The following VSX2 variants were observed in gnomAD, a reference collection of about 807,000 sequenced individuals.
The protein encoded by VSX2 is visual system homeobox 2.
A neutral mutation model predicts 32.1 loss-of-function variants in VSX2; 28 were observed. That is an observed-to-expected ratio of 0.87 (90% CI 0.65 to 1.20). The LOEUF is 1.20. VSX2 is among the 50% of genes most tolerant of loss of function. VSX2 has a pLI of 0.00. For missense variants in VSX2, 506 were observed against 488.7 expected (o/e 1.04, Z -0.33); for synonymous variants, 243 against 214.1 (o/e 1.14, Z -1.18).
At chr14:74,259,488 C>T in intron 3 of VSX2, 114 bp from the exon 4 acceptor site, 1 of 1,316,586 alleles carries the variant, frequency 7.6e-7, no homozygotes, top group Non-Finnish European at 1.1e-6. Context: ...AGTAGGCGAG[C>T]TTAGGTTAAG....
chr14:74,247,214 G>A (rs905180083), intron 3 of VSX2, among the ~76,000 whole-genome samples: 6 of 152,196 alleles, frequency 3.9e-5, no homozygotes, highest in Admixed American at 3.3e-4. Flanking sequence ...AAAGATCTTG[G>A]TGTGCATCAA....
chr14:74,259,991 A>G (rs74061766), intron 4 of VSX2, among the ~76,000 whole-genome samples: 38 of 152,272 alleles, frequency 2.5e-4, no homozygotes, highest in African/African-American at 7.5e-4. Flanking sequence ...ACTGGGTGCC[A>G]AGAACTCTCA....
At position 74,242,007 on chromosome 14, in the gene VSX2, C is replaced by T. The variant is rs77390965; in HGVS notation, c.455+741C>T. 5.6e-3 allele frequency among the ~76,000 whole-genome samples: 851 copies of T among 152,272 alleles called. 24 individuals carry two copies. The highest frequency in any genetic ancestry group is 0.043 in the Admixed American group (664 of 15,284). ...GGAAATTACTTGCACAAAGTTAAAA[C>T]TCAGTAGATGCCGACAGGTATATCT... is the stretch of plus-strand genomic sequence containing the variant. On this transcript the variant is annotated intron_variant, in intron 2 of 4. Coordinates refer to ENST00000261980, the MANE Select transcript of VSX2 (RefSeq NM_182894.3).
intron 2 of VSX2, among the ~76,000 whole-genome samples, chr14:74,242,593 A>AT (rs529681821): frequency 7.0e-6 from 1 of 143,636 alleles, no homozygotes; most frequent in African/African-American, 2.5e-5. Flanking sequence ...AAAAAGAAAA[A>AT]TTTTTTTGGT....
At chr14:74,254,073 T>C (rs1192197813) in intron 3 of VSX2, among the ~76,000 whole-genome samples, 1 of 152,060 alleles carries the variant, frequency 6.6e-6, no homozygotes, top group African/African-American at 2.4e-5. Context: ...ACTGTGTAGG[T>C]GTTCCCCTGT....
chr14:74,242,938 G>T (rs1014026667), intron 2 of VSX2, among the ~76,000 whole-genome samples: 1 of 152,234 alleles, frequency 6.6e-6, no homozygotes, highest in East Asian at 1.9e-4. Context: ...CACTCTCTTC[G>T]CCAGGAACAC....
intron 3 of VSX2, among the ~76,000 whole-genome samples, chr14:74,251,884 G>A (rs1173863758): frequency 6.6e-6 from 1 of 152,194 alleles, no homozygotes; most frequent in Non-Finnish European, 1.5e-5. Context: ...AGCCAGAGGG[G>A]AAGAAAGAGA....
chr14:74,252,393 TC>T (rs1269120895), intron 3 of VSX2, among the ~76,000 whole-genome samples: 4 of 142,664 alleles, frequency 2.8e-5, no homozygotes, highest in Non-Finnish European at 4.6e-5. Flanking sequence ...TTCTTTTCTT[TC>T]TTTTTTTTTT....
chr14:74,257,360 C>G (rs1023168370), intron 3 of VSX2, among the ~76,000 whole-genome samples: 1 of 152,238 alleles, frequency 6.6e-6, no homozygotes, highest in African/African-American at 2.4e-5. Context: ...CCCAGCCCCC[C>G]AGTTTTGCGC....
intron 3 of VSX2, 136 bp downstream of exon 3, chr14:74,245,424 C>T: frequency 1.6e-6 from 2 of 1,260,494 alleles, no homozygotes; most frequent in Non-Finnish European, 2.2e-6. Flanking sequence ...ATGTTCTCAG[C>T]CTATTTAAGC....
intron 4 of VSX2, 39 bp from the exon 5 acceptor site, chr14:74,260,555 G>C: frequency 6.4e-7 from 1 of 1,559,412 alleles, no homozygotes; most frequent in East Asian, 2.3e-5. Flanking sequence ...GGCTTTCCCA[G>C]GCGCTTTTCT....
Position 74,245,281 on chromosome 14 carries a change from G to T in VSX2, c.572G>T (p.Arg191Met). 1 of 1,613,566 alleles carries T rather than the reference G, an allele frequency of 6.2e-7. No individual in the cohort carries two copies. The highest frequency in any genetic ancestry group is 8.5e-7 in the Non-Finnish European group (1 of 1,179,862). The change falls in exon 3 of 5, where the codon AGG becomes ATG. Residue 191 changes from arginine to methionine, a missense_variant. Arg to Met is a moderately conservative substitution (Grantham distance 91). Transcript: ENST00000261980. ...ATGAAAACGGAGCTGCCGGAAGACA[G>T]GATACAGGTAACAGCCCTGAGCCCC... is the stretch of plus-strand genomic sequence containing the variant. ...LAMKTELPED[R>M]IQVWFQNRRA...
chr14:74,256,663 G>A (rs955896965), intron 3 of VSX2, among the ~76,000 whole-genome samples: 3 of 142,588 alleles, frequency 2.1e-5, no homozygotes, highest in African/African-American at 8.0e-5. Flanking sequence ...AAAACCGGGA[G>A]TCATACTTTT....
At chr14:74,250,230 C>T (rs1198370494) in intron 3 of VSX2, among the ~76,000 whole-genome samples, 1 of 101,010 alleles carries the variant, frequency 9.9e-6, no homozygotes, top group Non-Finnish European at 2.0e-5. Context: ...CAGCAGAATC[C>T]TGTTTCAAAA....
rs1348696663 is a variant in VSX2, at chr14:74,245,191, AG to A, written c.484del (p.Glu162SerfsTer22). On this transcript the variant is annotated frameshift_variant, in exon 3 of 5. Transcript: ENST00000261980. LOFTEE classifies it high-confidence loss of function. ...HRTIFTSYQL[E>X]ELEKAFNEAH... ...ACAATCTTTACCTCCTACCAGCTAGAGGAGCTGGAGAAGGCATTCAACGAAG... is the reference window on the plus strand; with the variant it reads ...ACAATCTTTACCTCCTACCAGCTAGAGAGCTGGAGAAGGCATTCAACGAAG... 1 of 1,613,562 alleles carries A rather than the reference AG, an allele frequency of 6.2e-7. No homozygotes were observed. The highest frequency in any genetic ancestry group is 1.7e-5 in the Admixed American group (1 of 59,976).
chr14:74,244,929 TGA>T (rs2079177605), intron 2 of VSX2, among the ~76,000 whole-genome samples: 1 of 38,850 alleles, frequency 2.6e-5, no homozygotes, highest in Non-Finnish European at 6.4e-5. Flanking sequence ...TGTGTGTGTG[TGA>T]AAGAGAGAGA....
intron 3 of VSX2, among the ~76,000 whole-genome samples, chr14:74,255,776 C>G (rs974157457): frequency 6.6e-6 from 1 of 152,084 alleles, no homozygotes. Flanking sequence ...CTCTGTCTTT[C>G]TATATTCCAC....
intron 3 of VSX2, among the ~76,000 whole-genome samples, chr14:74,246,870 A>G (rs1031891495): frequency 3.3e-5 from 5 of 152,108 alleles, no homozygotes; most frequent in African/African-American, 9.7e-5. Flanking sequence ...TGCTGAGCTC[A>G]GGATTTGGGG....
In VSX2 at chr14:74,239,753, G is replaced by A. The variant is rs2139628546; in HGVS notation, c.192G>A (p.Ala64=). The A allele has an allele frequency of 3.2e-6, 5 of 1,550,738 alleles. No homozygotes were observed. Among genetic ancestry groups the A allele is most frequent in the East Asian group, 2.4e-5 (1 of 41,300 alleles). Residue 64 remains alanine (A), a synonymous_variant, in exon 1 of 5, where the codon GCG becomes GCA. Coordinates refer to ENST00000261980, the MANE Select transcript of VSX2 (RefSeq NM_182894.3). ...DGLAPGHLLA[A]RSVLSPAGVG... Reference sequence around the variant, plus strand: ...TGGCCCCCGGGCACTTGCTGGCGGCGCGCTCAGTGCTCAGCCCCGCGGGGG... The same window carrying A: ...TGGCCCCCGGGCACTTGCTGGCGGCACGCTCAGTGCTCAGCCCCGCGGGGG...
Sources: gnomAD v4.1 joint callset for allele counts (sites outside exome capture counted in the v4.1 genomes callset) on GRCh38, gnomAD v4.1.1 for gene constraint, MANE v1.5 for transcripts, NCBI Gene and HGNC (gene_info 2026-07-23, HGNC 2026-07-21) for gene names.